Variants in CDH12 observed in about 807,000 individuals in gnomAD.
The protein encoded by CDH12 is cadherin 12.
A neutral mutation model predicts 74.1 loss-of-function variants in CDH12; 41 were observed. The ratio of observed to expected loss-of-function variants is 0.55; its 90% confidence interval spans 0.43 to 0.72. CDH12 has a LOEUF of 0.72. Among genes scored for constraint, CDH12 ranks in the 30% least tolerant of loss-of-function variants. CDH12 has a pLI of 0.00. For synonymous variants in CDH12, 399 were observed against 355.0 expected (o/e 1.12, Z -1.39); for missense variants, 945 against 977.2 (o/e 0.97, Z 0.44).
chr5:21,937,883 C>T (rs2150087052), intron 6 of CDH12, among the ~76,000 whole-genome samples: 1 of 152,292 alleles, frequency 6.6e-6, no homozygotes, highest in Non-Finnish European at 1.5e-5. Flanking sequence ...TGCCCAAGAC[C>T]TCCTTTTCAT....
At position 22,247,672 on chromosome 5, in the gene CDH12, CA is replaced by C. The variant is rs11455543; in HGVS notation, c.-332-35030del. Among the ~76,000 whole-genome samples, 7 of 151,136 alleles carry C rather than the reference CA, an allele frequency of 4.6e-5. 1 individual carries two copies. Among genetic ancestry groups the C allele is most frequent in the African/African-American group, 1.5e-4 (6 of 41,276 alleles). On this transcript the variant is annotated intron_variant, in intron 3 of 14. Coordinates refer to ENST00000382254, the MANE Select transcript of CDH12 (RefSeq NM_004061.5). Reference sequence around the variant, plus strand: ...CCTGGGCGACAGAGTGAGACTCCGTCAAAAAAAAAGAAAAGAAAAGAAAAGT... The same window carrying C: ...CCTGGGCGACAGAGTGAGACTCCGTCAAAAAAAAGAAAAGAAAAGAAAAGT...
intron 3 of CDH12, among the ~76,000 whole-genome samples, chr5:22,360,712 T>C (rs1356755811): frequency 6.6e-6 from 1 of 152,104 alleles, no homozygotes; most frequent in Non-Finnish European, 1.5e-5. Flanking sequence ...TCCAGCAGCA[T>C]GTCAAAAAGC....
intron 1 of CDH12, among the ~76,000 whole-genome samples, chr5:22,794,474 C>T (rs1374994136): frequency 6.6e-6 from 1 of 152,188 alleles, no homozygotes; most frequent in African/African-American, 2.4e-5. Flanking sequence ...TCTGGGTCCA[C>T]AGTCAAATAT....
chr5:22,305,897 G>A (rs1738085880), intron 3 of CDH12, among the ~76,000 whole-genome samples: 1 of 151,738 alleles, frequency 6.6e-6, no homozygotes, highest in African/African-American at 2.4e-5. Flanking sequence ...CCACCTTCTT[G>A]CCCACTTTCA....
At chr5:22,452,274 G>T (rs1745074343) in intron 2 of CDH12, among the ~76,000 whole-genome samples, 1 of 151,718 alleles carries the variant, frequency 6.6e-6, no homozygotes, top group South Asian at 2.1e-4. Context: ...ACAACCTTGA[G>T]AAAAAAGAGC....
chr5:22,083,720 C>G (rs1224725265), intron 4 of CDH12, among the ~76,000 whole-genome samples: 1 of 152,050 alleles, frequency 6.6e-6, no homozygotes, highest in Non-Finnish European at 1.5e-5. Context: ...ACATAGCAGG[C>G]AGGCTTGAAT....
At chr5:22,068,854 A>G (rs1222910588) in intron 5 of CDH12, among the ~76,000 whole-genome samples, 3 of 152,194 alleles carry the variant, frequency 2.0e-5, no homozygotes, top group Non-Finnish European at 4.4e-5. Context: ...GCATGAGACC[A>G]ACAACACACA....
chr5:22,430,087 C>CT lies in CDH12; in HGVS notation c.-427-24737dup, dbSNP rs111870803. Among the ~76,000 whole-genome samples the CT allele has an allele frequency of 6.4e-3, 981 of 152,222 alleles. 12 individuals are homozygous for CT. Among genetic ancestry groups the CT allele is most frequent in the African/African-American group, 0.023 (938 of 41,532 alleles). On this transcript the variant is annotated intron_variant, in intron 2 of 14. Coordinates refer to ENST00000382254, the MANE Select transcript of CDH12 (RefSeq NM_004061.5). ...TTCCTTTTATATACCCCCTAAGATA[C>CT]TTTTACTACTTGAGAAAATACCTTA...
At chr5:21,945,048 A>G (rs923827430) in intron 6 of CDH12, among the ~76,000 whole-genome samples, 5 of 152,178 alleles carry the variant, frequency 3.3e-5, no homozygotes, top group Non-Finnish European at 5.9e-5. Flanking sequence ...TTCAGGACAC[A>G]ATAAAAATCA....
chr5:22,565,708 G>T, intron 1 of CDH12, among the ~76,000 whole-genome samples: 1 of 152,070 alleles, frequency 6.6e-6, no homozygotes, highest in East Asian at 1.9e-4. Context: ...CAGTGCCTCA[G>T]AGACAGTAAA....
At chr5:21,822,072 C>T (rs1274040018) in intron 8 of CDH12, among the ~76,000 whole-genome samples, 1 of 151,804 alleles carries the variant, frequency 6.6e-6, no homozygotes, top group Non-Finnish European at 1.5e-5. Flanking sequence ...TTTAAACATC[C>T]CTCTTTTCCT....
intron 10 of CDH12, among the ~76,000 whole-genome samples, chr5:21,788,243 C>T (rs990491619): frequency 1.3e-5 from 2 of 152,100 alleles, no homozygotes; most frequent in African/African-American, 2.4e-5. Flanking sequence ...GTGCTTCAGG[C>T]AATCCTTCCT....
At chr5:22,202,986 T>A (rs944272187) in intron 4 of CDH12, among the ~76,000 whole-genome samples, 10 of 152,228 alleles carry the variant, frequency 6.6e-5, no homozygotes, top group Admixed American at 6.5e-4. Context: ...TGACACATAA[T>A]AATTGTGCAT....
intron 1 of CDH12, among the ~76,000 whole-genome samples, chr5:22,744,777 G>A (rs1056043405): frequency 6.6e-6 from 1 of 151,828 alleles, no homozygotes; most frequent in Non-Finnish European, 1.5e-5. Flanking sequence ...TTGTTAATGT[G>A]GTGATATTTT....
At chr5:22,702,448 G>A (rs990584201) in intron 1 of CDH12, among the ~76,000 whole-genome samples, 60 of 152,100 alleles carry the variant, frequency 3.9e-4, no homozygotes, top group Admixed American at 1.4e-3. Context: ...CTTCTCTGGT[G>A]TTTTCTCTTC....
chr5:22,183,482 T>C (rs1379024789), intron 4 of CDH12, among the ~76,000 whole-genome samples: 2 of 152,186 alleles, frequency 1.3e-5, no homozygotes, highest in East Asian at 3.8e-4. Context: ...TAGCACAGAC[T>C]ACTTTTAAAA....
chr5:22,500,127 T>C (rs1232283508), intron 2 of CDH12, among the ~76,000 whole-genome samples: 1 of 152,168 alleles, frequency 6.6e-6, no homozygotes. Flanking sequence ...ATTAACAGAT[T>C]AGCCTTTTTC....
chr5:22,695,042 A>T (rs959624846), intron 1 of CDH12, among the ~76,000 whole-genome samples: 15 of 151,784 alleles, frequency 9.9e-5, no homozygotes, highest in African/African-American at 3.6e-4. Context: ...CCCTGTGTCC[A>T]TCTGTCCTCG....
intron 6 of CDH12, among the ~76,000 whole-genome samples, chr5:21,908,928 T>G (rs1157974166): frequency 6.6e-6 from 1 of 152,082 alleles, no homozygotes; most frequent in Non-Finnish European, 1.5e-5. Context: ...AAAAAAAAAA[T>G]TATTTATTTG....
Sources: gnomAD v4.1 joint callset for allele counts (sites outside exome capture counted in the v4.1 genomes callset) on GRCh38, gnomAD v4.1.1 for gene constraint, MANE v1.5 for transcripts, NCBI Gene and HGNC (gene_info 2026-07-23, HGNC 2026-07-21) for gene names.